Variants in MAGI2 observed in about 807,000 individuals in gnomAD.
MAGI2 encodes membrane-associated guanylate kinase, WW and PDZ domain-containing protein 2.
Under a neutral mutation model 133.3 loss-of-function variants are expected in MAGI2, and 35 were observed. The ratio of observed to expected loss-of-function variants is 0.26; its 90% CI spans 0.20 to 0.35. MAGI2 has a LOEUF of 0.35. Among genes scored for constraint, MAGI2 ranks in the 10% least tolerant of loss-of-function variants. The pLI, the probability that MAGI2 is intolerant of heterozygous loss-of-function variation, is 1.00. For synonymous variants in MAGI2, 729 were observed against 710.6 expected, an observed-to-expected ratio of 1.03 and a Z score of -0.41; for missense variants, 1,636 against 1,863.4, an observed-to-expected ratio of 0.88 and a Z score of 2.25.
intron 1 of MAGI2, among the ~76,000 whole-genome samples, chr7:79,171,739 C>CAAAAAAA (rs1331571986): frequency 5.9e-5 from 2 of 34,150 alleles, no homozygotes; most frequent in African/African-American, 1.1e-4. Flanking sequence ...AGACAATAGC[C>CAAAAAAA]AAAAATATAT....
intron 2 of MAGI2, among the ~76,000 whole-genome samples, chr7:78,963,362 A>G (rs1180588017): frequency 6.6e-6 from 1 of 152,114 alleles, no homozygotes; most frequent in Non-Finnish European, 1.5e-5. Context: ...CTGATATTTC[A>G]ATTGGAGTAG....
chr7:78,103,060 A>G (rs536239798), intron 20 of MAGI2, among the ~76,000 whole-genome samples: 1 of 152,068 alleles, frequency 6.6e-6, no homozygotes, highest in Non-Finnish European at 1.5e-5. Flanking sequence ...CTCTTTCCTC[A>G]TATCTACCTG....
chr7:79,409,588 G>C (rs1846023144), intron 1 of MAGI2, among the ~76,000 whole-genome samples: 1 of 151,876 alleles, frequency 6.6e-6, no homozygotes. Context: ...ATGAGCTTGG[G>C]GACATGAATA....
chr7:78,234,548 T>G (rs1790305887), intron 10 of MAGI2, among the ~76,000 whole-genome samples: 1 of 108,686 alleles, frequency 9.2e-6, no homozygotes, highest in Non-Finnish European at 2.2e-5. Context: ...TTTATATTCA[T>G]TATAATATAA....
At chr7:79,310,946 A>G (rs1430997927) in intron 1 of MAGI2, among the ~76,000 whole-genome samples, 3 of 95,544 alleles carry the variant, frequency 3.1e-5, no homozygotes, top group South Asian at 3.2e-4. Flanking sequence ...ACACACACAC[A>G]TGCACACACA....
At chr7:79,116,568 C>G (rs1478299334) in intron 1 of MAGI2, among the ~76,000 whole-genome samples, 1 of 152,126 alleles carries the variant, frequency 6.6e-6, no homozygotes, top group Non-Finnish European at 1.5e-5. Flanking sequence ...TTAGACTGTG[C>G]ACACCTTCAC....
At chr7:78,096,570 C>T (rs1370056943) in intron 20 of MAGI2, among the ~76,000 whole-genome samples, 1 of 152,120 alleles carries the variant, frequency 6.6e-6, no homozygotes, top group Non-Finnish European at 1.5e-5. Context: ...ATGTATGCAT[C>T]TCTGAGTTTA....
chr7:79,362,608 A>T (rs1842437156), intron 1 of MAGI2, among the ~76,000 whole-genome samples: 1 of 152,090 alleles, frequency 6.6e-6, no homozygotes, highest in African/African-American at 2.4e-5. Flanking sequence ...AATGGAATTC[A>T]TTTCAGGTAT....
chr7:78,715,777 A>T lies in MAGI2; in HGVS notation c.419-88538T>A, dbSNP rs544333407. Among the ~76,000 whole-genome samples, 4 of 85,642 alleles carry T rather than the reference A, an allele frequency of 4.7e-5. No individual in the cohort carries two copies. In the South Asian group the frequency reaches 1.2e-3, roughly 26 times the overall value. The allele number at this position is 85,642 out of a possible 152,430, so 56.2% of individuals were successfully genotyped here. A position where few individuals can be genotyped will look rare whatever the true frequency, so the allele number is the denominator to read the frequency against. On this transcript the variant is annotated intron_variant, in intron 2 of 21. Coordinates refer to ENST00000354212, the MANE Select transcript of MAGI2 (RefSeq NM_012301.4). ...TAATAAGATAGTTTAAAAATTCTCAAATAACTGGCATTTTTCCTGGGATAT... is the reference window on the plus strand; with the variant it reads ...TAATAAGATAGTTTAAAAATTCTCATATAACTGGCATTTTTCCTGGGATAT...
chr7:79,087,112 A>G (rs1169762050), intron 1 of MAGI2, among the ~76,000 whole-genome samples: 2 of 151,918 alleles, frequency 1.3e-5, no homozygotes, highest in African/African-American at 4.8e-5. Flanking sequence ...AATAAAAAGA[A>G]AAGAAAAATA....
chr7:78,707,475 T>C (rs1157824421), intron 2 of MAGI2, among the ~76,000 whole-genome samples: 3 of 152,106 alleles, frequency 2.0e-5, no homozygotes, highest in African/African-American at 4.8e-5. Flanking sequence ...TACTTGAAAC[T>C]TCACACTTAA....
intron 1 of MAGI2, among the ~76,000 whole-genome samples, chr7:79,326,705 A>G (rs1377041346): frequency 2.0e-5 from 3 of 149,636 alleles, no homozygotes; most frequent in Admixed American, 1.3e-4. Context: ...TCCTTTAGTT[A>G]CTGAAAAGTA....
At chr7:78,690,697 CATT>C (rs549364255) in intron 2 of MAGI2, among the ~76,000 whole-genome samples, 2 of 152,194 alleles carry the variant, frequency 1.3e-5, no homozygotes, top group Non-Finnish European at 2.9e-5. Flanking sequence ...ACAGATGTCT[CATT>C]ATTTCATTGA....
At chr7:79,420,582 G>C (rs1846885289) in intron 1 of MAGI2, among the ~76,000 whole-genome samples, 1 of 151,834 alleles carries the variant, frequency 6.6e-6, no homozygotes, top group African/African-American at 2.4e-5. Context: ...TTAAACATGT[G>C]GTTTCTCTAG....
At chr7:79,392,254 ATGAT>A (rs1366739742) in intron 1 of MAGI2, among the ~76,000 whole-genome samples, 1 of 152,072 alleles carries the variant, frequency 6.6e-6, no homozygotes, top group Non-Finnish European at 1.5e-5. Context: ...TAACCAGTCT[ATGAT>A]TGACAGGCCT....
intron 1 of MAGI2, among the ~76,000 whole-genome samples, chr7:79,180,650 T>A (rs1826532384): frequency 6.6e-6 from 1 of 151,926 alleles, no homozygotes; most frequent in African/African-American, 2.4e-5. Flanking sequence ...CCAAATCTCA[T>A]GTCCTCACAT....
intron 1 of MAGI2, among the ~76,000 whole-genome samples, chr7:79,031,255 G>A (rs1383523875): frequency 6.6e-6 from 1 of 151,966 alleles, no homozygotes; most frequent in Non-Finnish European, 1.5e-5. Flanking sequence ...CATTTACATG[G>A]CATTTACCAC....
At chr7:79,031,111 C>T (rs1810526393) in intron 1 of MAGI2, among the ~76,000 whole-genome samples, 1 of 152,102 alleles carries the variant, frequency 6.6e-6, no homozygotes, top group Non-Finnish European at 1.5e-5. Flanking sequence ...GCTACAAATC[C>T]ATCCCTTACT....
intron 1 of MAGI2, among the ~76,000 whole-genome samples, chr7:79,041,589 A>T (rs1367243873): frequency 6.6e-6 from 1 of 152,164 alleles, no homozygotes; most frequent in Admixed American, 6.5e-5. Context: ...TCTAAATCTG[A>T]GGCTTTCTCA....
Sources: gnomAD v4.1 joint callset for allele counts (sites outside exome capture counted in the v4.1 genomes callset) on GRCh38, gnomAD v4.1.1 for gene constraint, MANE v1.5 for transcripts, NCBI Gene and HGNC (gene_info 2026-07-23, HGNC 2026-07-21) for gene names.